KAT2B: variants seen among roughly 807,000 people sequenced by gnomAD.
KAT2B encodes histone acetyltransferase KAT2B.
Under a neutral mutation model 105.9 loss-of-function variants are expected in KAT2B, and 36 were observed. The observed-to-expected ratio is 0.34, with a 90% confidence interval of 0.26 to 0.45. The LOEUF (loss-of-function observed/expected upper bound fraction) is 0.45. KAT2B is among the 20% of genes least tolerant of loss of function. The probability of loss-of-function intolerance (pLI) is 1.00; values close to 1 mark genes in which losing one functional copy is unlikely to be tolerated. For synonymous variants in KAT2B, 397 were observed against 377.9 expected, an observed-to-expected ratio of 1.05 and a Z score of -0.59; for missense variants, 820 against 1,021.6, an observed-to-expected ratio of 0.80 and a Z score of 2.69.
At chr3:20,130,425 C>G (rs986726367) in intron 11 of KAT2B, among the ~76,000 whole-genome samples, 1 of 152,158 alleles carries the variant, frequency 6.6e-6, no homozygotes. Context: ...TCCAAATGTT[C>G]AAAGTTTAAG....
Position 20,091,343 on chromosome 3 carries a change from A to G in KAT2B, c.431-3920A>G, listed in dbSNP as rs566602498. Among the ~76,000 whole-genome samples, 3 of 152,232 alleles carry G rather than the reference A, an allele frequency of 2.0e-5. No homozygotes were observed. In the East Asian group the frequency reaches 5.8e-4, roughly 29 times the overall value. ...CCTTTGTATTTCTGTGGTATCAGTT[A>G]TAATGTCTCCTTTTTCATTTCTTAT... On this transcript the variant is annotated intron_variant, in intron 2 of 17. Coordinates refer to ENST00000263754, the MANE Select transcript of KAT2B (RefSeq NM_003884.5).
chr3:20,114,749 A>G, intron 6 of KAT2B, 133 bp from the exon 7 acceptor site: 1 of 592,932 alleles, frequency 1.7e-6, no homozygotes, highest in Non-Finnish European at 3.0e-6. Flanking sequence ...TCATAATTTG[A>G]GTTGTAATTC....
intron 13 of KAT2B, among the ~76,000 whole-genome samples, chr3:20,145,751 C>G (rs1699774934): frequency 6.6e-6 from 1 of 152,052 alleles, no homozygotes; most frequent in African/African-American, 2.4e-5. Context: ...TTTCTTTCTT[C>G]TCATGACAGC....
intron 5 of KAT2B, among the ~76,000 whole-genome samples, chr3:20,104,378 A>G (rs1283594359): frequency 2.6e-5 from 4 of 152,166 alleles, no homozygotes; most frequent in Non-Finnish European, 4.4e-5. Context: ...CGTCCCCACC[A>G]TCACGTCATG....
In KAT2B at chr3:20,153,455, C is replaced by G. The variant is rs375669279; in HGVS notation, c.*930C>G. 1 of 152,576 alleles carries G rather than the reference C, an allele frequency of 6.6e-6. No homozygotes were observed. The highest frequency in any genetic ancestry group is 1.5e-5 in the Non-Finnish European group (1 of 67,994). 9.5% of individuals were successfully genotyped at this position (152,576 alleles called of 1,614,324 possible). ...CTTTTCTATGATACACACAGCCACG[C>G]TGATAATATGCAAATGAACATTTTC... On this transcript the variant is annotated 3_prime_UTR_variant, in exon 18 of 18. Transcript: ENST00000263754.
At chr3:20,136,210 C>T (rs962466781) in intron 11 of KAT2B, among the ~76,000 whole-genome samples, 1 of 152,196 alleles carries the variant, frequency 6.6e-6, no homozygotes, top group Non-Finnish European at 1.5e-5. Flanking sequence ...TTACTTTTAT[C>T]TCTCTTTATG....
In KAT2B at chr3:20,140,207, T is replaced by C. The variant is rs751598511; in HGVS notation, c.1861-14T>C. 2.6e-6 allele frequency: 4 copies of C among 1,541,314 alleles called. No individual in the cohort carries two copies. The South Asian group carries it at 4.5e-5, about 17-fold the overall frequency. On this transcript the variant is annotated splice_polypyrimidine_tract_variant and intron_variant, in intron 12 of 17. Coordinates refer to ENST00000263754, the MANE Select transcript of KAT2B (RefSeq NM_003884.5). ...TGTATGGTGTTCATATGAATGAATTTACTTGCTTTTCAGGGTTTCTCCAAA... is the reference window on the plus strand; with the variant it reads ...TGTATGGTGTTCATATGAATGAATTCACTTGCTTTTCAGGGTTTCTCCAAA...
intron 11 of KAT2B, among the ~76,000 whole-genome samples, chr3:20,131,178 G>A (rs1699505518): frequency 6.6e-6 from 1 of 151,810 alleles, no homozygotes; most frequent in Non-Finnish European, 1.5e-5. Context: ...ACCATGCCCG[G>A]CTAATTTTTG....
chr3:20,078,476 G>T (rs1225212700), intron 2 of KAT2B, among the ~76,000 whole-genome samples: 1 of 151,948 alleles, frequency 6.6e-6, no homozygotes, highest in Middle Eastern at 3.4e-3. Context: ...GGGCTCAAGC[G>T]ATCCTTTCAC....
intron 8 of KAT2B, among the ~76,000 whole-genome samples, chr3:20,120,975 G>C (rs1370900431): frequency 6.6e-6 from 1 of 151,952 alleles, no homozygotes; most frequent in East Asian, 1.9e-4. Context: ...TTCAGCCTCA[G>C]ACTTTTTAAA....
chr3:20,118,003 A>G (rs764918638), intron 7 of KAT2B, among the ~76,000 whole-genome samples: 2 of 151,948 alleles, frequency 1.3e-5, no homozygotes, highest in South Asian at 2.1e-4. Flanking sequence ...TGTGTATTTT[A>G]TATGCTTTAC....
Position 20,148,251 on chromosome 3 carries a change from C to T in KAT2B, c.2165C>T (p.Pro722Leu). ...KPSGKEKSKE[P>L]RDPDQLYSTL... ...CCCTTTTTCCTTTCAAGTAAAGAGCCCAGAGACCCTGACCAGCTTTACAGC... is the reference window on the plus strand; with the variant it reads ...CCCTTTTTCCTTTCAAGTAAAGAGCTCAGAGACCCTGACCAGCTTTACAGC... Residue 722 changes from proline (P) to leucine (L), a missense_variant, in exon 16 of 18, where the codon CCC becomes CTC. Around this residue, in one of 6 missense-constraint regions of KAT2B, gnomAD observed 227 missense variants for 292.9 expected, o/e 0.77. Transcript: ENST00000263754. 6.2e-7 allele frequency: 1 copy of T among 1,613,692 alleles called. No homozygotes were observed. Among genetic ancestry groups the T allele is most frequent in the South Asian group, 1.1e-5 (1 of 91,072 alleles).
chr3:20,121,251 TCTG>T (rs1699302324), intron 8 of KAT2B, among the ~76,000 whole-genome samples: 3 of 152,258 alleles, frequency 2.0e-5, no homozygotes, highest in Admixed American at 2.0e-4. Flanking sequence ...TTTATACTGT[TCTG>T]CTCCTTTTCA....
chr3:20,054,618 T>C (rs2929402), intron 1 of KAT2B, among the ~76,000 whole-genome samples: 88,552 of 151,994 alleles, frequency 0.58, 26,379 homozygotes, highest in South Asian at 0.67. Flanking sequence ...CTTGTGCAGC[T>C]TTTTGCGAGG....
In KAT2B at chr3:20,114,958, T is replaced by G; in HGVS notation, c.1120T>G (p.Ser374Ala). ...IWDQDFLSAS[S>A]RTSQLGIQTV... ...GGATCAGGATTTTCTCTCAGCCTCT[T>G]CCAGAACCAGCCAGCTAGGCATCCA... Residue 374 changes from serine (S) to alanine (A), a missense_variant, in exon 7 of 18, where the codon TCC (serine) becomes GCC (alanine). Physicochemically the swap from Ser to Ala is moderately conservative, Grantham distance 99. Transcript: ENST00000263754. The G allele has an allele frequency of 6.2e-7, 1 of 1,612,718 alleles. No individual in the cohort carries two copies. The highest frequency in any genetic ancestry group is 8.5e-7 in the Non-Finnish European group (1 of 1,178,768).
At position 20,106,992 on chromosome 3, in the gene KAT2B, TATATATATATATATATATATATA is replaced by T. The variant is rs1180950925; in HGVS notation, c.852-4603_852-4581del. Among the ~76,000 whole-genome samples, 19 of 35,816 alleles carry T rather than the reference TATATATATATATATATATATATA, an allele frequency of 5.3e-4. 1 individual carries two copies. The South Asian group carries it at 8.4e-3, about 16-fold the overall frequency. The allele number at this position is 35,816 out of a possible 152,430, so 23.5% of individuals were successfully genotyped here. ...ATATATATATATGTATATATATATA[TATATATATATATATATATATATA>T]TTTTTTTTTTTTTTTTTTTTTTTTT... is the stretch of plus-strand genomic sequence containing the variant. On this transcript the variant is annotated intron_variant, in intron 5 of 17. Coordinates refer to ENST00000263754, the MANE Select transcript of KAT2B (RefSeq NM_003884.5).
intron 17 of KAT2B, 86 bp downstream of exon 17, chr3:20,148,573 C>A: frequency 2.1e-6 from 2 of 962,498 alleles, no homozygotes; most frequent in Non-Finnish European, 1.6e-6. Flanking sequence ...TTGATTTGTA[C>A]TCCTCTGCTT....
rs1232422270 is a variant in KAT2B at position 20,062,028 on chromosome 3, A to AATATATATTATATATAAAAC, written c.304-10299_304-10280dup. 2.4e-3 allele frequency among the ~76,000 whole-genome samples: 243 copies of AATATATATTATATATAAAAC among 102,788 alleles called. 5 individuals are homozygous for AATATATATTATATATAAAAC. The highest frequency in any genetic ancestry group is 9.2e-3 in the African/African-American group (225 of 24,542). The allele number at this position is 102,788 out of a possible 152,430, so 67.4% of individuals were successfully genotyped here. A position where few individuals can be genotyped will look rare whatever the true frequency, so the allele number is the denominator to read the frequency against. The stretch of plus-strand genomic sequence containing the variant: ...ATAATATATATTATATATAAAACAT[A>AATATATATTATATATAAAAC]ATATATATTATATATAAAACATATA... On this transcript the variant is annotated intron_variant, in intron 1 of 17. Coordinates refer to ENST00000263754, the MANE Select transcript of KAT2B (RefSeq NM_003884.5).
chr3:20,102,014 G>A (rs1439825817), intron 5 of KAT2B, among the ~76,000 whole-genome samples: 1 of 152,022 alleles, frequency 6.6e-6, no homozygotes, highest in Non-Finnish European at 1.5e-5. Context: ...ACCATATAAT[G>A]AAGTTAAAGA....
Sources: gnomAD v4.1 joint callset for allele counts (sites outside exome capture counted in the v4.1 genomes callset) on GRCh38, gnomAD v4.1.1 for gene constraint, gnomAD v4.1.1 regional missense constraint, MANE v1.5 for transcripts, NCBI Gene and HGNC (gene_info 2026-07-23, HGNC 2026-07-21) for gene names.